The following OPCML variants were observed in gnomAD, a reference collection of about 807,000 sequenced individuals.
OPCML encodes the protein opioid binding protein/cell adhesion molecule like, also known as opioid-binding protein/cell adhesion molecule.
Under a neutral mutation model 37.8 loss-of-function variants are expected in OPCML, and 13 were observed. The ratio of observed to expected loss-of-function variants is 0.34; its 90% CI spans 0.22 to 0.55. OPCML has a LOEUF of 0.55. OPCML is among the 20% of genes least tolerant of loss of function. The probability of loss-of-function intolerance (pLI) is 0.91; values close to 1 mark genes in which losing one functional copy is unlikely to be tolerated. For synonymous variants in OPCML, 176 were observed against 168.8 expected (o/e 1.04, Z -0.33); for missense variants, 341 against 435.6 (o/e 0.78, Z 1.93).
intron 2 of OPCML, among the ~76,000 whole-genome samples, chr11:132,718,196 T>C (rs1324413685): frequency 1.3e-5 from 2 of 152,166 alleles, no homozygotes; most frequent in African/African-American, 4.8e-5. Context: ...GCGCTGTCTC[T>C]GTACTCGCAG....
chr11:133,042,780 A>G (rs1430963648), intron 1 of OPCML, among the ~76,000 whole-genome samples: 1 of 152,176 alleles, frequency 6.6e-6, no homozygotes, highest in Admixed American at 6.5e-5. Flanking sequence ...TGGAACCCTC[A>G]GCTACTCGCT....
chr11:133,387,216 C>A (rs181173971), intron 1 of OPCML, among the ~76,000 whole-genome samples: 1 of 152,318 alleles, frequency 6.6e-6, no homozygotes, highest in East Asian at 1.9e-4. Context: ...GCCTATCTCA[C>A]ATTTTGTACT....
At chr11:133,262,986 T>C (rs1941540057) in intron 1 of OPCML, among the ~76,000 whole-genome samples, 1 of 151,702 alleles carries the variant, frequency 6.6e-6, no homozygotes, top group African/African-American at 2.4e-5. Flanking sequence ...GAATAAAAGA[T>C]GAGATGCCCC....
At chr11:132,679,002 C>A (rs1356932369) in intron 2 of OPCML, among the ~76,000 whole-genome samples, 1 of 152,070 alleles carries the variant, frequency 6.6e-6, no homozygotes, top group Non-Finnish European at 1.5e-5. Context: ...CTGTATATTT[C>A]TCTCAATTTT....
Position 133,523,909 on chromosome 11 carries a change from G to A in OPCML, c.61+8355C>T, listed in dbSNP as rs142488247. ...AACCAAGGCTTCACCAGCCTCCCTGGCAAGATCAAGCTCTCCTGACAGACA... is the reference window on the plus strand; with the variant it reads ...AACCAAGGCTTCACCAGCCTCCCTGACAAGATCAAGCTCTCCTGACAGACA... On this transcript the variant is annotated intron_variant, in intron 1 of 7. Transcript: ENST00000524381. Among the ~76,000 whole-genome samples, 367 of 152,242 alleles carry A rather than the reference G, an allele frequency of 2.4e-3. 2 individuals carry two copies. Among genetic ancestry groups the A allele is most frequent in the African/African-American group, 8.4e-3 (347 of 41,532 alleles).
At chr11:133,061,924 TG>T (rs1485019164) in intron 1 of OPCML, among the ~76,000 whole-genome samples, 1 of 152,036 alleles carries the variant, frequency 6.6e-6, no homozygotes, top group East Asian at 1.9e-4. Flanking sequence ...CTGAAAAGTT[TG>T]AGAATTTCAT....
chr11:133,438,274 A>G (rs951006574), intron 1 of OPCML, among the ~76,000 whole-genome samples: 2 of 152,210 alleles, frequency 1.3e-5, no homozygotes, highest in African/African-American at 2.4e-5. Flanking sequence ...TGTTAAAAAT[A>G]TAAGTGTAAC....
At position 133,457,359 on chromosome 11, in the gene OPCML, C is replaced by T. The variant is rs1473929578; in HGVS notation, c.61+74905G>A. ...CTAGCCTGGGCAGCATAGTGAGACT[C>T]CATCTCTGCAAAAAATAAAAAATTT... On this transcript the variant is annotated intron_variant, in intron 1 of 7. Coordinates refer to ENST00000524381, the MANE Select transcript of OPCML (RefSeq NM_001012393.5). Among the ~76,000 whole-genome samples the T allele has an allele frequency of 7.2e-5, 11 of 152,120 alleles. No homozygotes were observed. The East Asian group carries it at 1.7e-3, about 24-fold the overall frequency.
chr11:133,271,463 T>G (rs888539206), intron 1 of OPCML, among the ~76,000 whole-genome samples: 5 of 152,176 alleles, frequency 3.3e-5, no homozygotes, highest in African/African-American at 1.2e-4. Context: ...TTCAGTAGAA[T>G]TAAATGGTAG....
At chr11:133,024,880 C>G (rs955056548) in intron 1 of OPCML, 10 of 985,224 alleles carry the variant, frequency 1.0e-5, no homozygotes, top group Non-Finnish European at 1.1e-5. Flanking sequence ...AGTGATTTTC[C>G]AAAATAGAGT....
chr11:133,013,306 A>G (rs1055704930), intron 1 of OPCML, among the ~76,000 whole-genome samples: 3 of 152,342 alleles, frequency 2.0e-5, no homozygotes, highest in Non-Finnish European at 4.4e-5. Flanking sequence ...TCAAAAATGA[A>G]ATGTTTAAAA....
intron 1 of OPCML, among the ~76,000 whole-genome samples, chr11:133,439,553 C>T (rs372327723): frequency 3.6e-4 from 55 of 151,984 alleles, no homozygotes; most frequent in East Asian, 1.9e-3. Context: ...CTGCAAGCTC[C>T]GCCTCCCAGG....
intron 1 of OPCML, among the ~76,000 whole-genome samples, chr11:133,166,450 C>G (rs1950209153): frequency 6.6e-6 from 1 of 152,204 alleles, no homozygotes. Context: ...GAGTCAGGCC[C>G]AGGATGTGCA....
At chr11:132,660,144 G>T (rs1441919278) in intron 2 of OPCML, among the ~76,000 whole-genome samples, 1 of 152,084 alleles carries the variant, frequency 6.6e-6, no homozygotes, top group Non-Finnish European at 1.5e-5. Flanking sequence ...AGAGGGATAG[G>T]CCCCTTTTTT....
chr11:132,582,104 TTGTGTGTGTG>T (rs145244488), intron 3 of OPCML, among the ~76,000 whole-genome samples: 1,581 of 140,480 alleles, frequency 0.011, 14 homozygotes, highest in South Asian at 0.028. Flanking sequence ...CACACATACT[TTGTGTGTGTG>T]TGTGTGTGTG....
At chr11:133,119,043 G>A (rs570686987) in intron 1 of OPCML, among the ~76,000 whole-genome samples, 1 of 152,190 alleles carries the variant, frequency 6.6e-6, no homozygotes, top group South Asian at 2.1e-4. Context: ...CTTTTTTAGA[G>A]GCCAACTGTG....
chr11:133,372,155 T>C (rs953012866), intron 1 of OPCML, among the ~76,000 whole-genome samples: 1 of 152,156 alleles, frequency 6.6e-6, no homozygotes, highest in Non-Finnish European at 1.5e-5. Context: ...ATTGTATATT[T>C]CAAAGTAGCT....
intron 1 of OPCML, among the ~76,000 whole-genome samples, chr11:133,192,170 C>T (rs373643166): frequency 6.6e-6 from 1 of 152,200 alleles, no homozygotes; most frequent in South Asian, 2.1e-4. Context: ...TTTAGCAAAG[C>T]AGATGAAGGG....
chr11:133,325,665 T>C (rs1016364729), intron 1 of OPCML, among the ~76,000 whole-genome samples: 3 of 152,150 alleles, frequency 2.0e-5, no homozygotes, highest in African/African-American at 7.2e-5. Flanking sequence ...TAAGAACCCA[T>C]TATCAGGAAA....
Sources: allele counts gnomAD v4.1 joint callset (sites outside exome capture counted in the v4.1 genomes callset), GRCh38; gene constraint gnomAD v4.1.1; transcripts MANE v1.5; gene names NCBI Gene and HGNC (gene_info 2026-07-23, HGNC 2026-07-21).